Variants in ZMAT4 observed in about 807,000 individuals in gnomAD.
ZMAT4 encodes zinc finger matrin-type 4, also known as zinc finger matrin-type protein 4.
A neutral mutation model predicts 28.7 loss-of-function variants in ZMAT4; 17 were observed. The ratio of observed to expected loss-of-function variants is 0.59; its 90% CI spans 0.41 to 0.89. The LOEUF is 0.89. ZMAT4 is among the 40% of genes least tolerant of loss of function. The pLI is 0.00. For missense variants in ZMAT4, 240 were observed against 283.8 expected (o/e 0.85, Z 1.11); for synonymous variants, 117 against 109.2 (o/e 1.07, Z -0.44).
chr8:40,694,589 G>A (rs1259257666), intron 4 of ZMAT4, among the ~76,000 whole-genome samples: 2 of 152,038 alleles, frequency 1.3e-5, no homozygotes, highest in African/African-American at 4.8e-5. Context: ...CCTCCTATCA[G>A]GCCTTCAACC....
chr8:40,881,605 AAAGAAAAG>A (rs1356386211), intron 1 of ZMAT4, among the ~76,000 whole-genome samples: 2 of 151,134 alleles, frequency 1.3e-5, no homozygotes, highest in Admixed American at 6.6e-5. Flanking sequence ...AAAGAAAAGA[AAAGAAAAG>A]AGAGAGAGAA....
At chr8:40,725,724 T>G (rs1326114420) in intron 3 of ZMAT4, among the ~76,000 whole-genome samples, 1 of 152,034 alleles carries the variant, frequency 6.6e-6, no homozygotes, top group Admixed American at 6.6e-5. Flanking sequence ...TGAGCCAAGA[T>G]CGTGCCACTG....
chr8:40,790,729 A>G (rs1814290776), intron 2 of ZMAT4, among the ~76,000 whole-genome samples: 2 of 152,250 alleles, frequency 1.3e-5, no homozygotes, highest in Admixed American at 6.5e-5. Flanking sequence ...TACAGATTCC[A>G]TGCAATTCCA....
At chr8:40,801,451 T>C (rs1377518707) in intron 2 of ZMAT4, among the ~76,000 whole-genome samples, 2 of 150,656 alleles carry the variant, frequency 1.3e-5, no homozygotes, top group African/African-American at 4.9e-5. Flanking sequence ...GCAGATCATC[T>C]GAGGTCAGGA....
chr8:40,760,469 C>T (rs992393033), intron 3 of ZMAT4, among the ~76,000 whole-genome samples: 4 of 152,206 alleles, frequency 2.6e-5, no homozygotes, highest in Admixed American at 1.3e-4. Flanking sequence ...AGCCCTGCTT[C>T]GCAGCACCCT....
At chr8:40,603,667 T>C (rs1291543450) in intron 5 of ZMAT4, among the ~76,000 whole-genome samples, 1 of 152,152 alleles carries the variant, frequency 6.6e-6, no homozygotes, top group African/African-American at 2.4e-5. Flanking sequence ...CTCACTCTGT[T>C]GCCCAGGCTG....
At chr8:40,765,672 G>C (rs1813130419) in intron 3 of ZMAT4, among the ~76,000 whole-genome samples, 1 of 152,154 alleles carries the variant, frequency 6.6e-6, no homozygotes. Context: ...GTTATTGGCA[G>C]CACCGGAGCT....
chr8:40,639,847 T>C (rs1806943651), intron 5 of ZMAT4, among the ~76,000 whole-genome samples: 1 of 152,108 alleles, frequency 6.6e-6, no homozygotes, highest in Non-Finnish European at 1.5e-5. Flanking sequence ...AGTGGAAAGA[T>C]CTAGGAGAGA....
At chr8:40,801,818 C>A (rs1289992039) in intron 2 of ZMAT4, among the ~76,000 whole-genome samples, 3 of 152,004 alleles carry the variant, frequency 2.0e-5, no homozygotes, top group African/African-American at 4.8e-5. Context: ...AACATAGATG[C>A]AAAATTTTCC....
At position 40,816,352 on chromosome 8, in the gene ZMAT4, C is replaced by T. The variant is rs564686130; in HGVS notation, c.102+9223G>A. Among the ~76,000 whole-genome samples the T allele has an allele frequency of 5.9e-5, 9 of 152,256 alleles. No homozygotes were observed. The South Asian group carries it at 1.9e-3, about 32-fold the overall frequency. The stretch of plus-strand genomic sequence containing the variant: ...AATAATTTTGTGGCCCAAAATCCCC[C>T]TCCACTAACATATAATGACTATAAT... On this transcript the variant is annotated intron_variant, in intron 2 of 6. Coordinates refer to ENST00000297737, the MANE Select transcript of ZMAT4 (RefSeq NM_024645.3).
chr8:40,646,953 A>T (rs1807348748), intron 5 of ZMAT4, among the ~76,000 whole-genome samples: 1 of 152,256 alleles, frequency 6.6e-6, no homozygotes, highest in South Asian at 2.1e-4. Flanking sequence ...ATGTTTGGCC[A>T]TAAAACATGT....
intron 6 of ZMAT4, among the ~76,000 whole-genome samples, chr8:40,540,768 T>G (rs1803004942): frequency 6.6e-6 from 1 of 152,194 alleles, no homozygotes; most frequent in South Asian, 2.1e-4. Context: ...CTCTAGGTAG[T>G]TAGCGTCAGA....
chr8:40,826,600 A>G (rs763655712), intron 1 of ZMAT4, among the ~76,000 whole-genome samples: 19 of 152,216 alleles, frequency 1.2e-4, no homozygotes, highest in Non-Finnish European at 2.2e-4. Flanking sequence ...AAAAAATACA[A>G]TCAGACTAAA....
At chr8:40,760,701 T>C (rs1459706967) in intron 3 of ZMAT4, among the ~76,000 whole-genome samples, 1 of 115,980 alleles carries the variant, frequency 8.6e-6, no homozygotes, top group Non-Finnish European at 1.8e-5. Context: ...TCTCTCTCTG[T>C]CACAGTCTCT....
At chr8:40,694,157 C>T (rs1171775563) in intron 4 of ZMAT4, among the ~76,000 whole-genome samples, 2 of 152,168 alleles carry the variant, frequency 1.3e-5, no homozygotes, top group Non-Finnish European at 2.9e-5. Flanking sequence ...AAGGCAGCCA[C>T]CACGTGGAAG....
intron 2 of ZMAT4, among the ~76,000 whole-genome samples, chr8:40,788,470 A>G (rs1814180111): frequency 6.6e-6 from 1 of 152,144 alleles, no homozygotes; most frequent in Non-Finnish European, 1.5e-5. Flanking sequence ...CTGTAGTCCC[A>G]GCTACTCGGG....
At chr8:40,745,023 G>A (rs146792766) in intron 3 of ZMAT4, among the ~76,000 whole-genome samples, 15 of 152,284 alleles carry the variant, frequency 9.9e-5, no homozygotes, top group Middle Eastern at 3.4e-3. Context: ...AGGGTCAGGA[G>A]GCAGAGGCAT....
At chr8:40,580,961 GA>G (rs1333455471) in intron 6 of ZMAT4, among the ~76,000 whole-genome samples, 3 of 151,734 alleles carry the variant, frequency 2.0e-5, no homozygotes, top group Non-Finnish European at 4.4e-5. Context: ...TTGAAAAAAT[GA>G]AAAAAAGAGA....
At chr8:40,880,904 C>T (rs960486108) in intron 1 of ZMAT4, among the ~76,000 whole-genome samples, 4 of 152,178 alleles carry the variant, frequency 2.6e-5, no homozygotes, top group Admixed American at 1.3e-4. Context: ...GAGATTCACA[C>T]ATCACCCCCT....
Sources: gnomAD v4.1 joint callset for allele counts (sites outside exome capture counted in the v4.1 genomes callset) on GRCh38, gnomAD v4.1.1 for gene constraint, MANE v1.5 for transcripts, NCBI Gene and HGNC (gene_info 2026-07-23, HGNC 2026-07-21) for gene names.